RTL4: variants seen among roughly 807,000 people sequenced by gnomAD.
RTL4 encodes retrotransposon Gag like 4.
A neutral mutation model predicts 5.3 loss-of-function variants in RTL4; 4 were observed. The observed-to-expected ratio is 0.75, with a 90% CI of 0.37 to 1.72. The LOEUF (loss-of-function observed/expected upper bound fraction) is 1.72, where lower values mean the gene tolerates loss of function less well. Ranked by LOEUF, RTL4 falls within the 40% of genes most tolerant of loss-of-function variation. The pLI is 0.04. For missense variants in RTL4, 260 were observed against 227.1 expected (o/e 1.14, Z -0.93); for synonymous variants, 98 against 87.3 (o/e 1.12, Z -0.68).
chrX:112,091,370 A>G, the RTL4 span, among the ~76,000 whole-genome samples: 1 of 111,733 alleles, frequency 8.9e-6, no homozygotes, highest in Non-Finnish European at 1.9e-5. Flanking sequence ...TAATGTATGC[A>G]TGTATAATAT....
At chrX:112,411,670 C>A in the RTL4 span, among the ~76,000 whole-genome samples, 1 of 110,488 alleles carries the variant, frequency 9.1e-6, no homozygotes, top group African/African-American at 3.3e-5. Context: ...ATAATAAAAA[C>A]CCTCAATAAA....
At chrX:112,401,604 A>G in the RTL4 span, among the ~76,000 whole-genome samples, 4 of 95,221 alleles carry the variant, frequency 4.2e-5, no homozygotes, top group Non-Finnish European at 8.1e-5. Context: ...TACCCTCTTT[A>G]GAAAAATTCT....
the RTL4 span, among the ~76,000 whole-genome samples, chrX:112,403,153 A>G: frequency 2.7e-5 from 3 of 111,357 alleles, no homozygotes; most frequent in African/African-American, 9.8e-5. Flanking sequence ...AACCTTTGCA[A>G]CCATTGCCCG....
chrX:112,159,250 C>G, the RTL4 span, among the ~76,000 whole-genome samples: 8 of 112,263 alleles, frequency 7.1e-5, no homozygotes, highest in African/African-American at 2.6e-4. Flanking sequence ...TACAACTGTC[C>G]TAGCCAATTT....
the RTL4 span, chrX:112,382,202 A>G: frequency 1.7e-6 from 2 of 1,182,181 alleles, no homozygotes; most frequent in South Asian, 3.8e-5. Flanking sequence ...CAAGGCACCA[A>G]ATCAAGGATT....
the RTL4 span, among the ~76,000 whole-genome samples, chrX:112,321,451 G>A: frequency 3.7e-5 from 4 of 107,240 alleles, no homozygotes; most frequent in African/African-American, 1.0e-4. Flanking sequence ...CAGGAGAATC[G>A]CTTGAACCCA....
the RTL4 span, among the ~76,000 whole-genome samples, chrX:112,356,039 G>T: frequency 3.6e-5 from 4 of 111,607 alleles, no homozygotes; most frequent in South Asian, 1.5e-3. Context: ...ATCAAATGAG[G>T]ACTGGATCTC....
At chrX:112,164,466 G>A in the RTL4 span, among the ~76,000 whole-genome samples, 1 of 111,955 alleles carries the variant, frequency 8.9e-6, no homozygotes, top group East Asian at 2.8e-4. Flanking sequence ...CAATACTTTA[G>A]TCAGCTGCTA....
chrX:112,234,641 G>T, the RTL4 span, among the ~76,000 whole-genome samples: 3 of 111,879 alleles, frequency 2.7e-5, no homozygotes, highest in African/African-American at 6.5e-5. Flanking sequence ...CCACCTGTAC[G>T]TGCTCCTCCC....
the RTL4 span, among the ~76,000 whole-genome samples, chrX:112,117,037 A>G: frequency 1.8e-5 from 2 of 111,768 alleles, no homozygotes; most frequent in Non-Finnish European, 3.8e-5. Flanking sequence ...TATTTTTGTA[A>G]TCTCAGGATG....
chrX:112,334,161 A>G, the RTL4 span, among the ~76,000 whole-genome samples: 1 of 111,799 alleles, frequency 8.9e-6, no homozygotes, highest in Non-Finnish European at 1.9e-5. Flanking sequence ...GAGTAGTACT[A>G]CATTGTGTAT....
the RTL4 span, among the ~76,000 whole-genome samples, chrX:112,419,408 T>C: frequency 1.4e-5 from 1 of 70,711 alleles, no homozygotes; most frequent in Non-Finnish European, 2.5e-5. Flanking sequence ...TCACCCAGGC[T>C]AGAGTGTAAT....
At chrX:112,349,214 G>A in the RTL4 span, among the ~76,000 whole-genome samples, 5 of 111,459 alleles carry the variant, frequency 4.5e-5, no homozygotes, top group African/African-American at 1.6e-4. Flanking sequence ...ACACCAGCTT[G>A]TAGGTTCTCC....
chrX:112,416,496 T>A, the RTL4 span, among the ~76,000 whole-genome samples: 3 of 112,304 alleles, frequency 2.7e-5, no homozygotes, highest in Admixed American at 2.8e-4. Context: ...TGTGACTTGC[T>A]AGGAGAATGC....
chrX:112,156,779 G>T, the RTL4 span, among the ~76,000 whole-genome samples: 8 of 111,282 alleles, frequency 7.2e-5, no homozygotes, highest in Non-Finnish European at 7.5e-5. Context: ...ACAGCCTAGC[G>T]ACTCAGTCTA....
the RTL4 span, among the ~76,000 whole-genome samples, chrX:112,393,170 T>TTTTGTTTG: frequency 1.0e-5 from 1 of 99,234 alleles, no homozygotes; most frequent in African/African-American, 4.4e-5. Flanking sequence ...TGTTTTTTTT[T>TTTTGTTTG]TTTGTTTGTT....
chrX:112,410,933 G>T, the RTL4 span, among the ~76,000 whole-genome samples: 1 of 111,176 alleles, frequency 9.0e-6, no homozygotes, highest in African/African-American at 3.3e-5. Flanking sequence ...TATACAAAAT[G>T]AAAAGTTGGT....
the RTL4 span, among the ~76,000 whole-genome samples, chrX:112,282,163 T>C: frequency 8.9e-6 from 1 of 112,427 alleles, no homozygotes; most frequent in Non-Finnish European, 1.9e-5. Flanking sequence ...ATTTTGTAGA[T>C]GGTGTGAGAC....
the RTL4 span, among the ~76,000 whole-genome samples, chrX:112,135,628 G>T: frequency 4.1e-4 from 45 of 110,287 alleles, no homozygotes; most frequent in African/African-American, 1.4e-3. Flanking sequence ...TTTTCTTCTA[G>T]AAGTTTTAAA....
Sources: gnomAD v4.1 joint callset for allele counts (sites outside exome capture counted in the v4.1 genomes callset) on GRCh38, gnomAD v4.1.1 for gene constraint, MANE v1.5 for transcripts, NCBI Gene and HGNC (gene_info 2026-07-23, HGNC 2026-07-21) for gene names.